Variants in TSC22D1 observed in about 807,000 individuals in gnomAD.
TSC22D1 encodes TSC22 domain family protein 1.
A neutral mutation model predicts 74.2 loss-of-function variants in TSC22D1; 9 were observed. The observed-to-expected ratio is 0.12, with a 90% CI of 0.07 to 0.21. TSC22D1 has a LOEUF of 0.21. Among genes scored for constraint, TSC22D1 ranks in the 10% least tolerant of loss-of-function variants. The pLI, the probability that TSC22D1 is intolerant of heterozygous loss-of-function variation, is 1.00. For synonymous variants in TSC22D1, 586 were observed against 492.5 expected, an observed-to-expected ratio of 1.19 and a Z score of -2.51; for missense variants, 1,427 against 1,304.7, an observed-to-expected ratio of 1.09 and a Z score of -1.44.
At chr13:44,459,700 C>T (rs956066076) in intron 1 of TSC22D1, among the ~76,000 whole-genome samples, 14 of 152,206 alleles carry the variant, frequency 9.2e-5, no homozygotes, top group African/African-American at 3.4e-4. Flanking sequence ...CAGTTCCTGG[C>T]ATCTCCAAGC....
Position 44,573,250 on chromosome 13 carries a change from C to T in TSC22D1, c.2825G>A (p.Ser942Asn). ...AGCAGAGGCTGCTAGGCTGCTGCTACTCCCATCTGAAACTGCTGACATTCC... is the reference window on the plus strand; with the variant it reads ...AGCAGAGGCTGCTAGGCTGCTGCTATTCCCATCTGAAACTGCTGACATTCC... ...SGGMSAVSDG[S>N]SSSLAASASL... Residue 942 changes from serine (S) to asparagine (N), a missense_variant, in exon 1 of 3, where the codon AGT (serine) becomes AAT (asparagine). This residue lies in a region of TSC22D1 where 1,343 missense variants were observed against 1,191.5 expected (regional missense o/e 1.13). Coordinates refer to ENST00000458659, the MANE Select transcript of TSC22D1 (RefSeq NM_183422.4). 1.2e-6 allele frequency: 2 copies of T among 1,614,238 alleles called. No individual in the cohort carries two copies. The highest frequency in any genetic ancestry group is 2.7e-5 in the African/African-American group (2 of 75,064).
At position 44,548,944 on chromosome 13, in the gene TSC22D1, AC is replaced by A. The variant is rs1299694790; in HGVS notation, c.2912+24218del. 7.2e-5 allele frequency among the ~76,000 whole-genome samples: 11 copies of A among 152,274 alleles called. No homozygotes were observed. The East Asian group carries it at 1.5e-3, about 21-fold the overall frequency. On this transcript the variant is annotated intron_variant, in intron 1 of 2. Coordinates refer to ENST00000458659, the MANE Select transcript of TSC22D1 (RefSeq NM_183422.4). ...CTAACATAATGTAAACATTATAGCA[AC>A]AGTTTAAGTCACCATTTGTTATAAG... is the stretch of plus-strand genomic sequence containing the variant.
chr13:44,433,842 C>T lies in TSC22D1; in HGVS notation c.*784G>A, dbSNP rs1425413962. Reference sequence around the variant, plus strand: ...TTTAGGTGTGGTTTTTGTCATGTAGCAGTTTTTATGTAGATCTATATATAA... The same window carrying T: ...TTTAGGTGTGGTTTTTGTCATGTAGTAGTTTTTATGTAGATCTATATATAA... On this transcript the variant is annotated 3_prime_UTR_variant, in exon 3 of 3. Coordinates refer to ENST00000458659, the MANE Select transcript of TSC22D1 (RefSeq NM_183422.4). The T allele has an allele frequency of 4.1e-6, 3 of 729,628 alleles. No homozygotes were observed. The African/African-American group carries it at 5.6e-5, about 14-fold the overall frequency. 45.2% of individuals were successfully genotyped at this position (729,628 alleles called of 1,614,324 possible). A position where few individuals can be genotyped will look rare whatever the true frequency, so the allele number is the denominator to read the frequency against.
At chr13:44,502,701 G>A (rs1429306797) in intron 1 of TSC22D1, among the ~76,000 whole-genome samples, 1 of 152,174 alleles carries the variant, frequency 6.6e-6, no homozygotes, top group East Asian at 1.9e-4. Context: ...AGGAAACTGT[G>A]CCCCTACAGT....
chr13:44,479,910 G>A (rs1878100146), intron 1 of TSC22D1, among the ~76,000 whole-genome samples: 1 of 152,192 alleles, frequency 6.6e-6, no homozygotes, highest in Non-Finnish European at 1.5e-5. Context: ...AAAAGTCTAT[G>A]ATTCTAGGCT....
intron 1 of TSC22D1, among the ~76,000 whole-genome samples, chr13:44,449,931 C>T (rs1875985503): frequency 6.6e-6 from 1 of 152,140 alleles, no homozygotes; most frequent in African/African-American, 2.4e-5. Flanking sequence ...GAACTTTAGG[C>T]TTGGCACCAC....
At chr13:44,568,862 G>A (rs1052532722) in intron 1 of TSC22D1, among the ~76,000 whole-genome samples, 2 of 152,208 alleles carry the variant, frequency 1.3e-5, no homozygotes, top group African/African-American at 4.8e-5. Context: ...ATAATAGACA[G>A]GTGGGGATGG....
intron 1 of TSC22D1, among the ~76,000 whole-genome samples, chr13:44,454,313 A>T (rs1168693342): frequency 6.6e-6 from 1 of 152,238 alleles, no homozygotes; most frequent in African/African-American, 2.4e-5. Context: ...AACCTGTTTT[A>T]ACACTGAGGT....
intron 1 of TSC22D1, among the ~76,000 whole-genome samples, chr13:44,461,881 T>C (rs896219857): frequency 2.6e-5 from 4 of 152,128 alleles, no homozygotes; most frequent in African/African-American, 9.7e-5. Context: ...CTTTAGGAAA[T>C]AGGAGCACCA....
intron 1 of TSC22D1, among the ~76,000 whole-genome samples, chr13:44,457,887 A>G (rs1389278444): frequency 1.3e-5 from 2 of 152,220 alleles, no homozygotes; most frequent in Non-Finnish European, 2.9e-5. Flanking sequence ...GAAGGTGGCT[A>G]TATATTGGGT....
Position 44,434,300 on chromosome 13 carries a change from G to A in TSC22D1, c.*326C>T. Reference sequence around the variant, plus strand: ...AGGAGAGAGAACCCTTGGAAGTGAGGGGTAGGGAGCCGGAAGGGATGGAAA... The same window carrying A: ...AGGAGAGAGAACCCTTGGAAGTGAGAGGTAGGGAGCCGGAAGGGATGGAAA... On this transcript the variant is annotated 3_prime_UTR_variant, in exon 3 of 3. Coordinates refer to ENST00000458659, the MANE Select transcript of TSC22D1 (RefSeq NM_183422.4). 1 of 1,375,134 alleles carries A rather than the reference G, an allele frequency of 7.3e-7. No individual in the cohort carries two copies. Among genetic ancestry groups the A allele is most frequent in the African/African-American group, 1.5e-5 (1 of 66,780 alleles). The allele number at this position is 1,375,134 out of a possible 1,614,324, so 85.2% of individuals were successfully genotyped here.
intron 1 of TSC22D1, among the ~76,000 whole-genome samples, chr13:44,509,950 C>CAAAAAAAAAAAAAAAAAAAAAAAACA: frequency 3.9e-5 from 2 of 51,426 alleles, no homozygotes; most frequent in Admixed American, 2.7e-4. Flanking sequence ...AGAAAATAAG[C>CAAAAAAAAAAAAAAAAAAAAAAAACA]AAAAAAAAAA....
Position 44,487,522 on chromosome 13 carries a change from A to G in TSC22D1, c.2913-51427T>C, listed in dbSNP as rs1401502853. On this transcript the variant is annotated intron_variant, in intron 1 of 2. Transcript: ENST00000458659. Reference sequence around the variant, plus strand: ...TCAAAAAAAAAAAAAAAAAAAAAAAAAAAAAGAAAAGAAAAAGAAATTACC... The same window carrying G: ...TCAAAAAAAAAAAAAAAAAAAAAAAGAAAAAGAAAAGAAAAAGAAATTACC... Among the ~76,000 whole-genome samples, 805 of 148,520 alleles carry G rather than the reference A, an allele frequency of 5.4e-3. 5 individuals are homozygous for G. The highest frequency in any genetic ancestry group is 9.2e-3 in the Non-Finnish European group (620 of 67,046).
intron 1 of TSC22D1, chr13:44,539,984 T>C (rs1463775167): frequency 8.2e-7 from 1 of 1,225,744 alleles, no homozygotes; most frequent in African/African-American, 1.5e-5. Flanking sequence ...TTACATTCTC[T>C]GGTCATTTGA....
chr13:44,439,671 C>T (rs1431472167), intron 1 of TSC22D1, among the ~76,000 whole-genome samples: 1 of 152,218 alleles, frequency 6.6e-6, no homozygotes, highest in African/African-American at 2.4e-5. Flanking sequence ...GGTATCACCT[C>T]AGTGGGAACT....
chr13:44,539,847 C>T (rs1449253865), intron 1 of TSC22D1: 54 of 1,289,520 alleles, frequency 4.2e-5, no homozygotes, highest in South Asian at 6.2e-5. Flanking sequence ...GGACCCCTGA[C>T]GTCAAAAGCT....
At chr13:44,524,542 G>T (rs974149555) in intron 1 of TSC22D1, among the ~76,000 whole-genome samples, 1 of 152,104 alleles carries the variant, frequency 6.6e-6, no homozygotes, top group African/African-American at 2.4e-5. Context: ...ACACTTCCAT[G>T]ATTTTTTTTG....
At chr13:44,455,039 T>G (rs1751308727) in intron 1 of TSC22D1, among the ~76,000 whole-genome samples, 1 of 152,150 alleles carries the variant, frequency 6.6e-6, no homozygotes, top group Non-Finnish European at 1.5e-5. Context: ...TCTGTCTTCC[T>G]GAAACTTACA....
At chr13:44,567,290 A>T (rs193247379) in intron 1 of TSC22D1, among the ~76,000 whole-genome samples, 19 of 152,332 alleles carry the variant, frequency 1.2e-4, no homozygotes, top group Admixed American at 1.2e-3. Flanking sequence ...AGAAACCGAC[A>T]CTAGAAGTCC....
Sources: gnomAD v4.1 joint callset for allele counts (sites outside exome capture counted in the v4.1 genomes callset) on GRCh38, gnomAD v4.1.1 for gene constraint, gnomAD v4.1.1 regional missense constraint, MANE v1.5 for transcripts, NCBI Gene and HGNC (gene_info 2026-07-23, HGNC 2026-07-21) for gene names.